CDC14B: variants seen among roughly 807,000 people sequenced by gnomAD.
The protein encoded by CDC14B is cell division cycle 14B.
Under a neutral mutation model 64.2 loss-of-function variants are expected in CDC14B, and 22 were observed. That is an observed-to-expected ratio of 0.34 (90% confidence interval 0.24 to 0.49). The LOEUF (loss-of-function observed/expected upper bound fraction) is 0.49, where lower values mean the gene tolerates loss of function less well. Ranked by LOEUF, CDC14B falls within the 20% of genes least tolerant of loss-of-function variation. The pLI is 0.99. For synonymous variants in CDC14B, 191 were observed against 215.8 expected (o/e 0.89, Z 1.01); for missense variants, 498 against 629.9 (o/e 0.79, Z 2.24).
chr9:96,589,960 CAA>C (rs112169156), intron 1 of CDC14B, among the ~76,000 whole-genome samples: 7 of 98,366 alleles, frequency 7.1e-5, no homozygotes, highest in Admixed American at 1.1e-4. Context: ...GACTCCATCT[CAA>C]AAAAAAAAAA....
intron 1 of CDC14B, among the ~76,000 whole-genome samples, chr9:96,594,917 C>T (rs1845986761): frequency 6.6e-6 from 1 of 152,050 alleles, no homozygotes; most frequent in Non-Finnish European, 1.5e-5. Flanking sequence ...CTTTGGCTGT[C>T]TGAGGCAGAC....
At chr9:96,607,533 G>T (rs1847046663) in intron 1 of CDC14B, among the ~76,000 whole-genome samples, 2 of 149,002 alleles carry the variant, frequency 1.3e-5, no homozygotes, top group Non-Finnish European at 3.0e-5. Context: ...CCATTCTCCT[G>T]CCTCAGCCGC....
chr9:96,618,278 C>T (rs995972326), intron 1 of CDC14B, among the ~76,000 whole-genome samples: 3 of 152,204 alleles, frequency 2.0e-5, no homozygotes, highest in African/African-American at 7.2e-5. Context: ...GAGGTTGACA[C>T]ATTCCCCGCC....
chr9:96,585,118 G>C (rs1845383346), intron 1 of CDC14B, among the ~76,000 whole-genome samples: 1 of 151,828 alleles, frequency 6.6e-6, no homozygotes, highest in African/African-American at 2.4e-5. Flanking sequence ...TCTTTCTTTA[G>C]AAAACAACTT....
chr9:96,614,411 G>A (rs1220159540), intron 1 of CDC14B, among the ~76,000 whole-genome samples: 1 of 151,914 alleles, frequency 6.6e-6, no homozygotes, highest in Non-Finnish European at 1.5e-5. Flanking sequence ...TTGAACTCCT[G>A]GGCTCAAGCG....
At chr9:96,572,852 T>C (rs1203014011) in intron 1 of CDC14B, among the ~76,000 whole-genome samples, 1 of 152,174 alleles carries the variant, frequency 6.6e-6, no homozygotes. Context: ...GAAGCATCCT[T>C]ATAAAATAAA....
chr9:96,504,260 C>T (rs991545396), intron 13 of CDC14B, among the ~76,000 whole-genome samples: 3 of 152,006 alleles, frequency 2.0e-5, no homozygotes, highest in Admixed American at 6.6e-5. Context: ...GGCACCTAAG[C>T]GGCTTCCAGC....
chr9:96,509,975 C>T (rs546767341), intron 12 of CDC14B, among the ~76,000 whole-genome samples, 186 bp from the exon 13 acceptor site: 3 of 152,304 alleles, frequency 2.0e-5, no homozygotes, highest in African/African-American at 7.2e-5. Flanking sequence ...TGAAGCATCT[C>T]GTTTCTCTTT....
intron 1 of CDC14B, among the ~76,000 whole-genome samples, chr9:96,608,892 G>GACAC (rs59953256): frequency 1.2e-3 from 170 of 144,660 alleles, no homozygotes; most frequent in Middle Eastern, 3.5e-3. Flanking sequence ...TTAAAACACA[G>GACAC]ACACACACAC....
At chr9:96,596,794 G>T (rs551798662) in intron 1 of CDC14B, among the ~76,000 whole-genome samples, 1 of 151,914 alleles carries the variant, frequency 6.6e-6, no homozygotes, top group South Asian at 2.1e-4. Context: ...AGGAGGTCAA[G>T]GCTGCAGTGG....
Position 96,547,620 on chromosome 9 carries a change from AT to A in CDC14B, c.497+4175del, listed in dbSNP as rs576623098. Among the ~76,000 whole-genome samples, 48 of 151,408 alleles carry A rather than the reference AT, an allele frequency of 3.2e-4. No homozygotes were observed. In the East Asian group the frequency reaches 6.8e-3, roughly 21 times the overall value. ...AGACACATGCCACCCTGCCCAGCTA[AT>A]TTTTTTTTCCCCAAAGAGAAATGGT... On this transcript the variant is annotated intron_variant, in intron 5 of 13. Coordinates refer to ENST00000375241, the MANE Select transcript of CDC14B (RefSeq NM_033331.4).
At chr9:96,615,731 T>C (rs968958176) in intron 1 of CDC14B, among the ~76,000 whole-genome samples, 19 of 152,180 alleles carry the variant, frequency 1.2e-4, no homozygotes, top group African/African-American at 4.6e-4. Flanking sequence ...GATCCTGCCA[T>C]TCTACTCCTG....
At chr9:96,498,938 C>T (rs547232927), downstream of CDC14B, among the ~76,000 whole-genome samples, 99 of 152,344 alleles carry the variant, frequency 6.5e-4, no homozygotes, top group African/African-American at 2.3e-3. Flanking sequence ...CTGCTGCCTC[C>T]CAGCCACAGG....
At chr9:96,588,508 C>T (rs543266732) in intron 1 of CDC14B, among the ~76,000 whole-genome samples, 2 of 152,206 alleles carry the variant, frequency 1.3e-5, no homozygotes, top group South Asian at 2.1e-4. Context: ...GTTGTTTTTG[C>T]GATAGGGCTC....
At chr9:96,568,765 AAGTT>A (rs999411129) in intron 1 of CDC14B, among the ~76,000 whole-genome samples, 20 of 152,028 alleles carry the variant, frequency 1.3e-4, no homozygotes, top group African/African-American at 4.6e-4. Context: ...AAAATACAAA[AAGTT>A]AGCCAGTCGT....
At chr9:96,602,046 G>A (rs957494649) in intron 1 of CDC14B, among the ~76,000 whole-genome samples, 1 of 151,946 alleles carries the variant, frequency 6.6e-6, no homozygotes, top group African/African-American at 2.4e-5. Flanking sequence ...ACGACAGAGC[G>A]AGACTCAGTC....
intron 1 of CDC14B, among the ~76,000 whole-genome samples, chr9:96,591,311 T>C (rs1845781724): frequency 6.6e-6 from 1 of 152,248 alleles, no homozygotes; most frequent in Admixed American, 6.5e-5. Context: ...AACCTCATTC[T>C]CTTGCAGGTG....
chr9:96,564,170 G>A (rs1032623513), intron 3 of CDC14B, among the ~76,000 whole-genome samples: 2 of 151,930 alleles, frequency 1.3e-5, no homozygotes, highest in African/African-American at 2.4e-5. Context: ...ACTTCCTACC[G>A]TGCATGGCCA....
intron 13 of CDC14B, among the ~76,000 whole-genome samples, chr9:96,494,518 C>T (rs530631335): frequency 2.0e-5 from 3 of 151,196 alleles, no homozygotes; most frequent in South Asian, 2.1e-4. Flanking sequence ...CCCAGCTTTT[C>T]TGCACATCTC....
Sources: allele counts gnomAD v4.1 joint callset (sites outside exome capture counted in the v4.1 genomes callset), GRCh38; gene constraint gnomAD v4.1.1; transcripts MANE v1.5; gene names NCBI Gene and HGNC (gene_info 2026-07-23, HGNC 2026-07-21).